The following PAGE2B variants were observed in gnomAD, a reference collection of about 807,000 sequenced individuals.
PAGE2B encodes putative G antigen family E member 3.
PAGE2B carries 5 observed loss-of-function variants against 7.6 expected under a neutral mutation model. The observed-to-expected ratio is 0.66, with a 90% CI of 0.34 to 1.38. The LOEUF (loss-of-function observed/expected upper bound fraction) is 1.38, where lower values mean the gene tolerates loss of function less well. PAGE2B is among the 40% of genes most tolerant of loss of function. The probability of loss-of-function intolerance (pLI) is 0.04; values close to 1 mark genes in which losing one functional copy is unlikely to be tolerated. For synonymous variants in PAGE2B, 29 were observed against 26.7 expected, an observed-to-expected ratio of 1.09 and a Z score of -0.27; for missense variants, 70 against 78.4, an observed-to-expected ratio of 0.89 and a Z score of 0.41.
At position 55,076,682 on chromosome X, in the gene PAGE2B, AG is replaced by A. The variant is rs757587419; in HGVS notation, c.193+8del. 1.8e-5 allele frequency: 22 copies of A among 1,195,753 alleles called. No homozygotes were observed. In the African/African-American group the frequency reaches 3.5e-4, roughly 19 times the overall value. On this transcript the variant is annotated splice_donor_region_variant and intron_variant, in intron 3 of 4. Coordinates refer to ENST00000374971, the MANE Select transcript of PAGE2B (RefSeq NM_001015038.3). ...AAGGAGCACCTGCCGTTCAAGGTGA[AG>A]GGAGAGTGGAGAATAATGCTTATGG...
chrX:55,039,039 C>G, the PAGE2B span, among the ~76,000 whole-genome samples: 1 of 111,711 alleles, frequency 9.0e-6, no homozygotes, highest in Non-Finnish European at 1.9e-5. Flanking sequence ...AGTACATTGG[C>G]ACTAGTAAGA....
At chrX:55,028,640 G>T in the PAGE2B span, among the ~76,000 whole-genome samples, 1 of 111,479 alleles carries the variant, frequency 9.0e-6, no homozygotes, top group Non-Finnish European at 1.9e-5. Flanking sequence ...GAATTCTCAA[G>T]TTCTTTCAAG....
At chrX:55,073,002 C>G (rs1476792869), upstream of PAGE2B, among the ~76,000 whole-genome samples, 1 of 111,699 alleles carries the variant, frequency 9.0e-6, no homozygotes, top group Non-Finnish European at 1.9e-5. Context: ...GCTTGCTGGG[C>G]TCCATAGGAC....
chrX:55,049,570 C>G, the PAGE2B span, among the ~76,000 whole-genome samples: 11 of 111,796 alleles, frequency 9.8e-5, no homozygotes, highest in Non-Finnish European at 2.1e-4. Flanking sequence ...TCCGTTTCTT[C>G]TAGATTTTCT....
At chrX:55,055,072 A>G in the PAGE2B span, 2 of 111,610 alleles carry the variant, frequency 1.8e-5, no homozygotes, top group Non-Finnish European at 3.8e-5. Flanking sequence ...ATCTAAGAAC[A>G]TCGGCCAGGC....
At chrX:55,047,035 G>A in the PAGE2B span, among the ~76,000 whole-genome samples, 2 of 110,529 alleles carry the variant, frequency 1.8e-5, no homozygotes, top group Non-Finnish European at 3.8e-5. Context: ...CCATTAACTC[G>A]TCATTTAACA....
chrX:55,069,878 CGGT>C, the PAGE2B span, among the ~76,000 whole-genome samples: 1 of 111,351 alleles, frequency 9.0e-6, no homozygotes, highest in African/African-American at 3.3e-5. Flanking sequence ...TCTGTGGGAT[CGGT>C]GGTGATATCC....
the PAGE2B span, among the ~76,000 whole-genome samples, chrX:55,040,041 T>C: frequency 0.036 from 3,897 of 109,390 alleles, 85 homozygotes; most frequent in Non-Finnish European, 0.057. Flanking sequence ...GAACTCAATA[T>C]TTTCTTTTTT....
At chrX:55,047,960 A>G in the PAGE2B span, among the ~76,000 whole-genome samples, 1 of 111,971 alleles carries the variant, frequency 8.9e-6, no homozygotes, top group Non-Finnish European at 1.9e-5. Flanking sequence ...TCTAACATGT[A>G]AGTCTTTACT....
At chrX:55,068,524 C>CT in the PAGE2B span, among the ~76,000 whole-genome samples, 2 of 111,786 alleles carry the variant, frequency 1.8e-5, no homozygotes, top group African/African-American at 6.5e-5. Context: ...TATGAGGGCT[C>CT]TTTTTTGGTT....
chrX:55,046,402 C>T, the PAGE2B span, among the ~76,000 whole-genome samples: 1 of 112,124 alleles, frequency 8.9e-6, no homozygotes, highest in Non-Finnish European at 1.9e-5. Flanking sequence ...GCGTGAGCCA[C>T]TACGCCTGGC....
chrX:55,076,268 G>C, intron 2 of PAGE2B, 143 bp downstream of exon 2: 1 of 705,725 alleles, frequency 1.4e-6, no homozygotes, highest in Non-Finnish European at 2.0e-6. Context: ...GTTGGTTCAG[G>C]AATATTATAT....
At chrX:55,050,609 T>A in the PAGE2B span, among the ~76,000 whole-genome samples, 1 of 111,126 alleles carries the variant, frequency 9.0e-6, no homozygotes. Flanking sequence ...AAATCTGTTT[T>A]ATCAGAGACT....
At chrX:55,036,015 C>T in the PAGE2B span, among the ~76,000 whole-genome samples, 2 of 111,909 alleles carry the variant, frequency 1.8e-5, no homozygotes, top group Non-Finnish European at 3.8e-5. Context: ...AAGTCCTTCA[C>T]ATCCCTTGTA....
the PAGE2B span, among the ~76,000 whole-genome samples, chrX:55,062,945 G>A: frequency 9.0e-6 from 1 of 111,150 alleles, no homozygotes; most frequent in Non-Finnish European, 1.9e-5. Flanking sequence ...TTTCTATACT[G>A]TTCCATTGGT....
the PAGE2B span, among the ~76,000 whole-genome samples, chrX:55,031,945 C>CT: frequency 7.5e-4 from 83 of 110,944 alleles, no homozygotes; most frequent in African/African-American, 2.6e-3. Context: ...TTTGCAATTT[C>CT]TTTTTTTTGT....
chrX:55,030,104 T>C, the PAGE2B span, among the ~76,000 whole-genome samples: 3 of 111,234 alleles, frequency 2.7e-5, no homozygotes, highest in East Asian at 8.4e-4. Context: ...GAACTTTAGA[T>C]AACTGTAATC....
the PAGE2B span, among the ~76,000 whole-genome samples, chrX:55,030,746 AAG>A: frequency 1.5e-4 from 17 of 111,886 alleles, no homozygotes; most frequent in South Asian, 3.7e-4. Flanking sequence ...CGAAGGGAAA[AAG>A]AGAGAAAAAA....
chrX:55,074,997 T>G (rs1212553943), upstream of PAGE2B: 2 of 114,323 alleles, frequency 1.7e-5, no homozygotes, highest in African/African-American at 3.2e-5. Context: ...TTGCTACACG[T>G]GTCTGTTGTT....
Sources: allele counts gnomAD v4.1 joint callset (sites outside exome capture counted in the v4.1 genomes callset), GRCh38; gene constraint gnomAD v4.1.1; transcripts MANE v1.5; gene names NCBI Gene and HGNC (gene_info 2026-07-23, HGNC 2026-07-21).